Variants in MGAM observed in about 807,000 individuals in gnomAD.
MGAM encodes alpha-1,4-glucosidase.
In MGAM, 253 loss-of-function variants were observed where a neutral mutation model predicts 358.8. That is an observed-to-expected ratio of 0.71 (90% CI 0.64 to 0.78). MGAM has a LOEUF of 0.78. Among genes scored for constraint, MGAM ranks in the 30% least tolerant of loss-of-function variants. The pLI, the probability that MGAM is intolerant of heterozygous loss-of-function variation, is 0.00. For synonymous variants in MGAM, 1,105 were observed against 1,227.1 expected (o/e 0.90, Z 2.08); for missense variants, 3,080 against 3,432.6 (o/e 0.90, Z 2.57).
intron 18 of MGAM, 90 bp from the exon 19 acceptor site, chr7:142,038,441 A>G (rs1035352582): frequency 9.9e-7 from 1 of 1,005,152 alleles, no homozygotes; most frequent in Non-Finnish European, 1.5e-6. Flanking sequence ...GACGGCCTGC[A>G]TGCTTTCAAC....
intron 3 of MGAM, among the ~76,000 whole-genome samples, chr7:142,009,692 C>T (rs938502357): frequency 2.0e-5 from 3 of 152,150 alleles, no homozygotes; most frequent in African/African-American, 4.8e-5. Flanking sequence ...AATTACTCCA[C>T]GGCCTTGGCG....
At chr7:142,007,517 C>G (rs1394708127) in intron 2 of MGAM, among the ~76,000 whole-genome samples, 2 of 151,994 alleles carry the variant, frequency 1.3e-5, no homozygotes, top group African/African-American at 4.8e-5. Context: ...TTATGTGATT[C>G]TAAAGATGTA....
At chr7:142,051,257 G>T (rs1328839376) in intron 24 of MGAM, among the ~76,000 whole-genome samples, 4 of 152,168 alleles carry the variant, frequency 2.6e-5, no homozygotes, top group African/African-American at 9.6e-5. Flanking sequence ...GAAACTTGTG[G>T]TCAGGTTTTG....
chr7:141,995,565 AT>A (rs553393241), upstream of MGAM, among the ~76,000 whole-genome samples: 45 of 152,136 alleles, frequency 3.0e-4, no homozygotes, highest in African/African-American at 1.0e-3. Flanking sequence ...GGGGTCATTT[AT>A]TTTTTGCTCT....
chr7:142,013,654 C>A (rs1223103384), intron 3 of MGAM, among the ~76,000 whole-genome samples: 1 of 152,136 alleles, frequency 6.6e-6, no homozygotes, highest in Admixed American at 6.6e-5. Context: ...GTGGCAATTT[C>A]TCTTTTTTAT....
At position 142,027,133 on chromosome 7, in the gene MGAM, C is replaced by T. The variant is rs782549716; in HGVS notation, c.1001C>T (p.Ala334Val). ...SNAMEVVLQP[A>V]PAITYRTIGG... ...TTTCAAGAGGTTGTCCTTCAGCCTG[C>T]GCCAGCCATCACTTACCGCACCATT... Residue 334 changes from alanine (A) to valine (V), a missense_variant, in exon 9 of 71, where the codon GCG becomes GTG. Physicochemically the swap from Ala to Val is moderately conservative, Grantham distance 64. Transcript: ENST00000475668. 1.1e-5 allele frequency: 18 copies of T among 1,613,008 alleles called. No individual in the cohort carries two copies. The highest frequency in any genetic ancestry group is 8.3e-5 in the Admixed American group (5 of 59,990).
intron 40 of MGAM, 128 bp downstream of exon 40, chr7:142,065,959 T>G (rs1180882958): frequency 6.5e-6 from 5 of 769,570 alleles, no homozygotes; most frequent in Non-Finnish European, 9.5e-6. Context: ...TTTTGTTTTG[T>G]TTTGTTTTGT....
At chr7:142,038,302 C>G (rs1410695937) in intron 18 of MGAM, among the ~76,000 whole-genome samples, 1 of 152,156 alleles carries the variant, frequency 6.6e-6, no homozygotes, top group African/African-American at 2.4e-5. Flanking sequence ...AGCATACATA[C>G]TGGAATAGAA....
chr7:142,089,652 G>A lies in MGAM; in HGVS notation c.6811-2261G>A, dbSNP rs572997068. Among the ~76,000 whole-genome samples, 148 of 145,368 alleles carry A rather than the reference G, an allele frequency of 1.0e-3. 14 individuals carry two copies. The highest frequency in any genetic ancestry group is 1.7e-3 in the Non-Finnish European group (106 of 64,212). ...CTAAAAATACAAAAGTTAGCCAGGCGTGGTGGCACGCGCCTGTAATCCCAC... is the reference window on the plus strand; with the variant it reads ...CTAAAAATACAAAAGTTAGCCAGGCATGGTGGCACGCGCCTGTAATCCCAC... On this transcript the variant is annotated intron_variant, in intron 57 of 70. Transcript: ENST00000475668.
intron 21 of MGAM, among the ~76,000 whole-genome samples, chr7:142,041,099 C>G (rs890046179): frequency 4.6e-5 from 7 of 152,128 alleles, no homozygotes; most frequent in Non-Finnish European, 8.8e-5. Flanking sequence ...GTTCTCATTT[C>G]TAGAGAACCT....
chr7:142,058,771 A>T (rs1811809636), intron 31 of MGAM, among the ~76,000 whole-genome samples: 1 of 152,236 alleles, frequency 6.6e-6, no homozygotes, highest in African/African-American at 2.4e-5. Context: ...CTAATAACAG[A>T]TGGATTAAAC....
intron 31 of MGAM, 80 bp downstream of exon 31, chr7:142,058,408 T>C: frequency 1.9e-6 from 3 of 1,590,572 alleles, no homozygotes; most frequent in Non-Finnish European, 2.6e-6. Context: ...CTAATGTTTG[T>C]TGGATTCCAT....
intron 21 of MGAM, among the ~76,000 whole-genome samples, chr7:142,042,031 TTATATACATATAATATATAATA>T (rs1459842491): frequency 2.2e-4 from 2 of 8,916 alleles, no homozygotes; most frequent in African/African-American, 8.0e-4. Flanking sequence ...ATATATTATA[TTATATACATATAATATATAATA>T]TATATACATA....
At chr7:142,064,737 C>T (rs1173603576) in intron 37 of MGAM, among the ~76,000 whole-genome samples, 1 of 152,134 alleles carries the variant, frequency 6.6e-6, no homozygotes, top group Admixed American at 6.5e-5. Context: ...GGCATGGTCC[C>T]ACCAGTGAAA....
At position 142,076,699 on chromosome 7, in the gene MGAM, A is replaced by G. The variant is rs1563200016; in HGVS notation, c.5366A>G (p.Asp1789Gly). Residue 1789 changes from aspartate to glycine, a missense_variant, in exon 47 of 71, where the codon GAC (aspartate) becomes GGC (glycine). Around this residue, in one of 5 missense-constraint regions of MGAM, gnomAD observed 932 missense variants for 1,198.2 expected, o/e 0.78. Coordinates refer to ENST00000475668, the MANE Select transcript of MGAM (RefSeq NM_001365693.1). ...ACTATTTCACAATCAACCTACAAGGACCCCAATAATTTAGCATTCAATGAG... is the reference window on the plus strand; with the variant it reads ...ACTATTTCACAATCAACCTACAAGGGCCCCAATAATTTAGCATTCAATGAG... ...EVTISQSTYK[D>G]PNNLAFNEIK... The G allele has an allele frequency of 1.9e-6, 3 of 1,552,132 alleles. No individual in the cohort carries two copies. Among genetic ancestry groups the G allele is most frequent in the Non-Finnish European group, 2.7e-6 (3 of 1,129,168 alleles).
chr7:142,030,585 C>A, intron 11 of MGAM, 56 bp from the exon 12 acceptor site: 1 of 1,603,696 alleles, frequency 6.2e-7, no homozygotes, highest in South Asian at 1.1e-5. Flanking sequence ...TCCCAGTCTC[C>A]TTTCAGTGCC....
intron 69 of MGAM, 109 bp from the exon 70 acceptor site, chr7:142,103,160 T>C: frequency 1.1e-6 from 1 of 891,130 alleles, no homozygotes; most frequent in South Asian, 1.8e-5. Context: ...TACAAGATGG[T>C]GACTCTGAAG....
chr7:142,049,948 T>C (rs1810778368), intron 22 of MGAM, among the ~76,000 whole-genome samples: 1 of 152,182 alleles, frequency 6.6e-6, no homozygotes, highest in Admixed American at 6.6e-5. Flanking sequence ...CTTCTGGGTG[T>C]ATATCCAGAG....
Position 142,065,487 on chromosome 7 carries a change from A to G in MGAM, c.4618+19A>G, listed in dbSNP as rs1444222615. The G allele has an allele frequency of 4.3e-6, 7 of 1,613,382 alleles. No individual in the cohort carries two copies. The highest frequency in any genetic ancestry group is 5.9e-6 in the Non-Finnish European group (7 of 1,179,658). On this transcript the variant is annotated intron_variant, in intron 38 of 70. Transcript: ENST00000475668. Reference sequence around the variant, plus strand: ...ATCATTGGTGCGTGGGTCCTTCCCCAGGGCCTTTGCCGACAGGGCAGGGAG... The same window carrying G: ...ATCATTGGTGCGTGGGTCCTTCCCCGGGGCCTTTGCCGACAGGGCAGGGAG...
Sources: gnomAD v4.1 joint callset for allele counts (sites outside exome capture counted in the v4.1 genomes callset) on GRCh38, gnomAD v4.1.1 for gene constraint, gnomAD v4.1.1 regional missense constraint, MANE v1.5 for transcripts, NCBI Gene and HGNC (gene_info 2026-07-23, HGNC 2026-07-21) for gene names.